Variants in CNDP2 observed in about 807,000 individuals in gnomAD.
The protein encoded by CNDP2 is cytosolic non-specific dipeptidase.
In CNDP2, 38 loss-of-function variants were observed where a neutral mutation model predicts 55.0. The ratio of observed to expected loss-of-function variants is 0.69; its 90% confidence interval spans 0.53 to 0.90. The LOEUF (loss-of-function observed/expected upper bound fraction) is 0.90. Ranked by LOEUF, CNDP2 falls within the 40% of genes least tolerant of loss-of-function variation. CNDP2 has a pLI of 0.00. For synonymous variants in CNDP2, 241 were observed against 260.2 expected, an observed-to-expected ratio of 0.93 and a Z score of 0.71; for missense variants, 607 against 621.7, an observed-to-expected ratio of 0.98 and a Z score of 0.25.
intron 3 of CNDP2, 33 bp downstream of exon 3, chr18:74,501,505 G>A (rs199658463): frequency 3.3e-5 from 52 of 1,582,780 alleles, no homozygotes; most frequent in Admixed American, 7.2e-5. Flanking sequence ...TTGCAGGACC[G>A]TAGACAGATT....
chr18:74,500,458 T>C (rs1978629501), intron 2 of CNDP2, among the ~76,000 whole-genome samples: 1 of 152,252 alleles, frequency 6.6e-6, no homozygotes, highest in Admixed American at 6.5e-5. Context: ...TTTAGAAAAT[T>C]TGGCCATTGT....
intron 1 of CNDP2, among the ~76,000 whole-genome samples, chr18:74,498,357 A>G (rs963995523): frequency 2.0e-5 from 3 of 152,250 alleles, no homozygotes; most frequent in Admixed American, 6.5e-5. Flanking sequence ...AGTGGTAGGT[A>G]TTTGTGTATC....
intron 8 of CNDP2, among the ~76,000 whole-genome samples, chr18:74,514,079 C>T (rs1599069475): frequency 1.3e-5 from 2 of 152,290 alleles, no homozygotes; most frequent in East Asian, 1.9e-4. Context: ...CTGTGCCGAA[C>T]GTTTACCTAA....
chr18:74,522,468 C>T lies in CNDP2; in HGVS notation c.*2400C>T, dbSNP rs1980108017. ...GAGGTGCTATGCTTTGAATGTTTGG[C>T]TCCTCCCAAACTCGTGTTGAAACTT... On this transcript the variant is annotated 3_prime_UTR_variant, in exon 12 of 12. Coordinates refer to ENST00000324262, the MANE Select transcript of CNDP2 (RefSeq NM_018235.3). 3.3e-5 allele frequency: 5 copies of T among 152,278 alleles called. No homozygotes were observed. Among genetic ancestry groups the T allele is most frequent in the Admixed American group, 3.3e-4 (5 of 15,286 alleles). The allele number at this position is 152,278 out of a possible 1,614,324, so 9.4% of individuals were successfully genotyped here. A position where few individuals can be genotyped will look rare whatever the true frequency, so the allele number is the denominator to read the frequency against.
intron 4 of CNDP2, chr18:74,507,209 A>C (rs1242446785): frequency 2.0e-5 from 3 of 151,236 alleles, no homozygotes; most frequent in Non-Finnish European, 4.4e-5. Flanking sequence ...CCGTGCCCTC[A>C]CTCCTGGAAC....
At chr18:74,496,949 C>T (rs1050872479) in intron 1 of CNDP2, among the ~76,000 whole-genome samples, 11 of 152,310 alleles carry the variant, frequency 7.2e-5, no homozygotes, top group African/African-American at 2.6e-4. Context: ...GTCCCTAGCT[C>T]CCGCCAGCAT....
intron 3 of CNDP2, 112 bp from the exon 4 acceptor site, chr18:74,505,737 G>C: frequency 8.6e-7 from 1 of 1,160,132 alleles, no homozygotes; most frequent in Non-Finnish European, 1.2e-6. Context: ...TACAATAGAG[G>C]TTGATTGATA....
At chr18:74,506,642 TC>T (rs776935529) in intron 4 of CNDP2, among the ~76,000 whole-genome samples, 1 of 152,152 alleles carries the variant, frequency 6.6e-6, no homozygotes, top group Admixed American at 6.5e-5. Flanking sequence ...CTTGTCCCCC[TC>T]CCCGGCCCTT....
intron 6 of CNDP2, among the ~76,000 whole-genome samples, chr18:74,511,457 A>G (rs1368816526): frequency 6.6e-6 from 1 of 152,160 alleles, no homozygotes; most frequent in Non-Finnish European, 1.5e-5. Flanking sequence ...CTGTAATCCC[A>G]GCACTTTGGG....
Position 74,516,406 on chromosome 18 carries a change from G to C in CNDP2, c.1068+14G>C, listed in dbSNP as rs372378630. On this transcript the variant is annotated intron_variant, in intron 9 of 11. Transcript: ENST00000324262. ...GTCGGCGAGCAGGCATGTGGGGCTG[G>C]GACACGGGGTGGGGGCCAAGAGCTA... 5.0e-6 allele frequency: 8 copies of C among 1,599,056 alleles called. No homozygotes were observed. The highest frequency in any genetic ancestry group is 6.8e-6 in the Non-Finnish European group (8 of 1,171,340).
At chr18:74,506,163 T>A in intron 4 of CNDP2, 152 bp downstream of exon 4, 11 of 678,516 alleles carry the variant, frequency 1.6e-5, no homozygotes, top group African/African-American at 1.9e-5. Flanking sequence ...AGACAGAGTC[T>A]CACTCTGTAG....
chr18:74,507,917 A>G (rs3794954), intron 4 of CNDP2: 65,537 of 152,142 alleles, frequency 0.43, 14,299 homozygotes, highest in African/African-American at 0.5. Flanking sequence ...TTGTAGGGAT[A>G]AGGATTGTTG....
chr18:74,514,932 G>A (rs538872278), intron 8 of CNDP2, among the ~76,000 whole-genome samples: 10 of 152,324 alleles, frequency 6.6e-5, no homozygotes, highest in South Asian at 2.1e-4. Flanking sequence ...TGAGGGCCAC[G>A]CTGGGCAGTA....
At chr18:74,501,638 C>T (rs953528112) in intron 3 of CNDP2, among the ~76,000 whole-genome samples, 166 bp downstream of exon 3, 4 of 152,144 alleles carry the variant, frequency 2.6e-5, no homozygotes, top group African/African-American at 4.8e-5. Flanking sequence ...TACGTGACTG[C>T]TTCAGTTGGA....
At chr18:74,519,334 CT>C (rs1441498404) in intron 11 of CNDP2, among the ~76,000 whole-genome samples, 2 of 152,234 alleles carry the variant, frequency 1.3e-5, no homozygotes, top group Admixed American at 1.3e-4. Context: ...TCATCTACCC[CT>C]CTCTCCATTT....
chr18:74,517,906 G>GA (rs1417962972), intron 9 of CNDP2: 9 of 152,174 alleles, frequency 5.9e-5, no homozygotes, highest in Non-Finnish European at 1.0e-4. Flanking sequence ...AAGATCTTTG[G>GA]AAAGAGTGAA....
At chr18:74,505,727 T>C (rs549971197) in intron 3 of CNDP2, 122 bp from the exon 4 acceptor site, 4 of 1,078,238 alleles carry the variant, frequency 3.7e-6, no homozygotes, top group Admixed American at 2.6e-5. Context: ...TCTTAAACTC[T>C]ACAATAGAGG....
At chr18:74,506,469 T>A (rs1301000692) in intron 4 of CNDP2, among the ~76,000 whole-genome samples, 1 of 151,720 alleles carries the variant, frequency 6.6e-6, no homozygotes, top group East Asian at 1.9e-4. Flanking sequence ...GAAATGGAGG[T>A]TTCTTACAGG....
At chr18:74,517,463 G>A (rs1979747617) in intron 9 of CNDP2, 1 of 152,198 alleles carries the variant, frequency 6.6e-6, no homozygotes, top group South Asian at 2.1e-4. Context: ...GCCACACTGA[G>A]CCTCGGTGTA....
Sources: allele counts gnomAD v4.1 joint callset (sites outside exome capture counted in the v4.1 genomes callset), GRCh38; gene constraint gnomAD v4.1.1; transcripts MANE v1.5; gene names NCBI Gene and HGNC (gene_info 2026-07-23, HGNC 2026-07-21).